The following MECOM variants were observed in gnomAD, a reference collection of about 807,000 sequenced individuals.
The protein encoded by MECOM is histone-lysine N-methyltransferase MECOM.
MECOM carries 13 observed loss-of-function variants against 116.3 expected under a neutral mutation model. The ratio of observed to expected loss-of-function variants is 0.11; its 90% CI spans 0.07 to 0.18. The LOEUF (loss-of-function observed/expected upper bound fraction) is 0.18. Among genes scored for constraint, MECOM ranks in the 10% least tolerant of loss-of-function variants. The pLI is 1.00. For missense variants in MECOM, 1,299 were observed against 1,509.0 expected (o/e 0.86, Z 2.31); for synonymous variants, 528 against 535.2 (o/e 0.99, Z 0.19).
chr3:169,133,873 C>A, intron 3 of MECOM: 1 of 1,259,264 alleles, frequency 7.9e-7, no homozygotes, highest in South Asian at 1.2e-5. Context: ...TCTATTTCCC[C>A]TTAGAAAACA....
At chr3:169,426,232 A>C (rs1263095702) in intron 1 of MECOM, among the ~76,000 whole-genome samples, 1 of 152,188 alleles carries the variant, frequency 6.6e-6, no homozygotes, top group East Asian at 1.9e-4. Flanking sequence ...TGAAAACTTC[A>C]GCTAAAAAAT....
chr3:169,136,520 A>G (rs183029467), intron 3 of MECOM, among the ~76,000 whole-genome samples: 5 of 152,068 alleles, frequency 3.3e-5, no homozygotes, highest in Admixed American at 3.3e-4. Context: ...ACAGCAGTAA[A>G]GCAGGCATAG....
chr3:169,281,859 A>G (rs1712118528), intron 2 of MECOM, among the ~76,000 whole-genome samples: 1 of 152,150 alleles, frequency 6.6e-6, no homozygotes, highest in Non-Finnish European at 1.5e-5. Flanking sequence ...TAAATATGGA[A>G]GTGGTAAAAG....
intron 2 of MECOM, among the ~76,000 whole-genome samples, chr3:169,265,931 A>G (rs545389923): frequency 6.6e-6 from 1 of 152,338 alleles, no homozygotes; most frequent in South Asian, 2.1e-4. Flanking sequence ...AGTAACATTA[A>G]TGGATTTCCA....
At chr3:169,448,858 C>T (rs1174007342) in intron 1 of MECOM, among the ~76,000 whole-genome samples, 1 of 152,042 alleles carries the variant, frequency 6.6e-6, no homozygotes, top group Non-Finnish European at 1.5e-5. Context: ...ATATTTAATA[C>T]TATTATAAGG....
At chr3:169,144,029 T>A (rs556763852) in intron 2 of MECOM, among the ~76,000 whole-genome samples, 197 bp from the exon 3 acceptor site, 3 of 152,272 alleles carry the variant, frequency 2.0e-5, no homozygotes, top group African/African-American at 7.2e-5. Flanking sequence ...TAAAAAGGAA[T>A]AAAGCACTTG....
intron 1 of MECOM, among the ~76,000 whole-genome samples, chr3:169,398,885 C>A (rs1260886221): frequency 1.3e-5 from 2 of 152,092 alleles, no homozygotes; most frequent in African/African-American, 4.8e-5. Context: ...TATGGAAGGC[C>A]TTGCTAAAGA....
intron 2 of MECOM, among the ~76,000 whole-genome samples, chr3:169,209,521 C>A (rs962103759): frequency 1.3e-5 from 2 of 152,022 alleles, no homozygotes; most frequent in Non-Finnish European, 2.9e-5. Flanking sequence ...AAAAAACAAA[C>A]AACCCCATCA....
rs375638861 is a variant in MECOM at position 169,351,715 on chromosome 3, G to A, written c.375+29472C>T. ...TCTTTGACCATCCCCAGAACCTGAC[G>A]CCTTGTCAGCCTATTGCAGGTAAAA... On this transcript the variant is annotated intron_variant, in intron 2 of 16. Transcript: ENST00000651503. Among the ~76,000 whole-genome samples the A allele has an allele frequency of 1.3e-4, 19 of 151,776 alleles. No homozygotes were observed. In the East Asian group the frequency reaches 2.3e-3, roughly 19 times the overall value.
rs1486288804 is a variant in MECOM at position 169,084,272 on chromosome 3, T to G, written c.*637A>C. 8.7e-6 allele frequency: 2 copies of G among 231,036 alleles called. No homozygotes were observed. Among genetic ancestry groups the G allele is most frequent in the South Asian group, 1.8e-4 (1 of 5,492 alleles). The allele number at this position is 231,036 out of a possible 1,614,324, so 14.3% of individuals were successfully genotyped here. On this transcript the variant is annotated 3_prime_UTR_variant, in exon 17 of 17. Coordinates refer to ENST00000651503, the MANE Select transcript of MECOM (RefSeq NM_004991.4). ...GGTTACTTCACTGACTTAACCTCTTTGAGTGTTAACATCCATAGTTTACAA... is the reference window on the plus strand; with the variant it reads ...GGTTACTTCACTGACTTAACCTCTTGGAGTGTTAACATCCATAGTTTACAA...
intron 2 of MECOM, among the ~76,000 whole-genome samples, chr3:169,321,589 G>A (rs1720873866): frequency 6.6e-6 from 1 of 152,132 alleles, no homozygotes; most frequent in African/African-American, 2.4e-5. Flanking sequence ...AATCTGATCA[G>A]AAAATGTATC....
In MECOM at chr3:169,503,407, G is replaced by A. The variant is rs368297278; in HGVS notation, c.38-121883C>T. Reference sequence around the variant, plus strand: ...TATCTCTAGAATTTGGAAAATCACAGGACATATATGTTAAATAAAGATTCT... The same window carrying A: ...TATCTCTAGAATTTGGAAAATCACAAGACATATATGTTAAATAAAGATTCT... On this transcript the variant is annotated intron_variant, in intron 1 of 16. Transcript: ENST00000651503. Among the ~76,000 whole-genome samples the A allele has an allele frequency of 7.2e-4, 110 of 152,136 alleles. 1 individual carries two copies. In the South Asian group the frequency reaches 0.022, roughly 30 times the overall value.
chr3:169,485,949 A>T (rs1752199031), intron 1 of MECOM, among the ~76,000 whole-genome samples: 1 of 97,108 alleles, frequency 1.0e-5, no homozygotes, highest in African/African-American at 4.3e-5. Flanking sequence ...ATGTATGTAT[A>T]TATGTACATA....
At chr3:169,470,568 A>T (rs949504318) in intron 1 of MECOM, among the ~76,000 whole-genome samples, 2 of 152,170 alleles carry the variant, frequency 1.3e-5, no homozygotes, top group Non-Finnish European at 2.9e-5. Flanking sequence ...GTACAGGTGT[A>T]TGAGGGGGAG....
intron 2 of MECOM, among the ~76,000 whole-genome samples, chr3:169,177,686 G>A (rs2149387225): frequency 6.6e-6 from 1 of 152,234 alleles, no homozygotes; most frequent in African/African-American, 2.4e-5. Flanking sequence ...GGAAGCCAAG[G>A]CGGGCAGATT....
At chr3:169,217,748 C>T (rs1190839906) in intron 2 of MECOM, among the ~76,000 whole-genome samples, 1 of 151,928 alleles carries the variant, frequency 6.6e-6, no homozygotes, top group East Asian at 1.9e-4. Flanking sequence ...CACACCACTG[C>T]ACTCCAACCT....
At chr3:169,620,184 T>C (rs1455816407) in intron 1 of MECOM, among the ~76,000 whole-genome samples, 2 of 152,242 alleles carry the variant, frequency 1.3e-5, no homozygotes, top group African/African-American at 4.8e-5. Context: ...TCCTTCCTTC[T>C]TTTGTACTCC....
At chr3:169,651,527 A>G (rs1774913917) in intron 1 of MECOM, among the ~76,000 whole-genome samples, 1 of 152,166 alleles carries the variant, frequency 6.6e-6, no homozygotes, top group Non-Finnish European at 1.5e-5. Context: ...TATTATTCTA[A>G]GTGAAGTAAC....
At chr3:169,123,325 GTA>G (rs1553845901) in intron 5 of MECOM, among the ~76,000 whole-genome samples, 1 of 149,336 alleles carries the variant, frequency 6.7e-6, no homozygotes, top group African/African-American at 2.5e-5. Context: ...GTGTGTGTGT[GTA>G]TCATATATAT....
Sources: gnomAD v4.1 joint callset for allele counts (sites outside exome capture counted in the v4.1 genomes callset) on GRCh38, gnomAD v4.1.1 for gene constraint, MANE v1.5 for transcripts, NCBI Gene and HGNC (gene_info 2026-07-23, HGNC 2026-07-21) for gene names.